The following MSANTD1 variants were observed in gnomAD, a reference collection of about 807,000 sequenced individuals.
MSANTD1 encodes the protein myb/SANT-like DNA-binding domain-containing protein 1.
A neutral mutation model predicts 24.2 loss-of-function variants in MSANTD1; 7 were observed. The ratio of observed to expected loss-of-function variants is 0.29; its 90% CI spans 0.16 to 0.54. The LOEUF (loss-of-function observed/expected upper bound fraction) is 0.54. MSANTD1 is among the 20% of genes least tolerant of loss of function. The pLI, the probability that MSANTD1 is intolerant of heterozygous loss-of-function variation, is 0.94. For missense variants in MSANTD1, 384 were observed against 408.2 expected, an observed-to-expected ratio of 0.94 and a Z score of 0.51; for synonymous variants, 177 against 181.1, an observed-to-expected ratio of 0.98 and a Z score of 0.18.
At chr4:3,252,506 C>A (rs1335528913) in intron 1 of MSANTD1, among the ~76,000 whole-genome samples, 1 of 152,246 alleles carries the variant, frequency 6.6e-6, no homozygotes, top group East Asian at 1.9e-4. Context: ...ACTGTAGGTT[C>A]AACCAAGAAT....
Position 3,253,075 on chromosome 4 carries a change from T to C in MSANTD1, c.321-132T>C, listed in dbSNP as rs1055104519. ...GACCCTGGAGCCTGGCCGATTTTGC[T>C]GGGGAGGCCCTTGCCAGCCGAGAGC... On this transcript the variant is annotated intron_variant, in intron 1 of 2. Transcript: ENST00000438480. 9 of 895,280 alleles carry C rather than the reference T, an allele frequency of 1.0e-5. No homozygotes were observed. In the Admixed American group the frequency reaches 2.1e-4, roughly 21 times the overall value. The allele number at this position is 895,280 out of a possible 1,614,324, so 55.5% of individuals were successfully genotyped here. A position where few individuals can be genotyped will look rare whatever the true frequency, so the allele number is the denominator to read the frequency against.
chr4:3,249,703 C>T (rs1165581940), intron 1 of MSANTD1, among the ~76,000 whole-genome samples, 161 bp downstream of exon 1: 8 of 152,184 alleles, frequency 5.3e-5, no homozygotes, highest in Admixed American at 2.6e-4. Flanking sequence ...CGGGGTGAGA[C>T]GGGGCCCACG....
chr4:3,255,927 A>G lies in MSANTD1; in HGVS notation c.799A>G (p.Ser267Gly). 6.5e-7 allele frequency: 1 copy of G among 1,542,964 alleles called. No homozygotes were observed. The highest frequency in any genetic ancestry group is 8.7e-7 in the Non-Finnish European group (1 of 1,144,576). ...QSLQLQERMMSLLERIITKSS... is the reference protein window; with the variant it reads ...QSLQLQERMMGLLERIITKSS... Reference sequence around the variant, plus strand: ...CCTGCAGCTGCAGGAGCGCATGATGAGTCTGCTGGAGAGGATCATCACCAA... The same window carrying G: ...CCTGCAGCTGCAGGAGCGCATGATGGGTCTGCTGGAGAGGATCATCACCAA... Residue 267 changes from serine (S) to glycine (G), a missense_variant, in exon 3 of 3, where the codon AGT becomes GGT. By Grantham distance (56) the Ser-to-Gly change is moderately conservative. Coordinates refer to ENST00000438480, the MANE Select transcript of MSANTD1 (RefSeq NM_001042690.2).
chr4:3,251,685 TTC>T (rs1491014504), intron 1 of MSANTD1, among the ~76,000 whole-genome samples: 2 of 147,968 alleles, frequency 1.4e-5, no homozygotes, highest in African/African-American at 5.3e-5. Flanking sequence ...TCTTTTTTTT[TTC>T]TTTTTCTTTT....
rs566901495 is a variant in MSANTD1 at position 3,255,413 on chromosome 4, G to T, written c.597-312G>T. Among the ~76,000 whole-genome samples the T allele has an allele frequency of 5.9e-5, 9 of 152,126 alleles. No individual in the cohort carries two copies. The East Asian group carries it at 1.7e-3, about 29-fold the overall frequency. ...TAATTTTTGTATTTTTAGTAGAGATGGGGTTTCACCATGTTGGCCAGGCTG... is the reference window on the plus strand; with the variant it reads ...TAATTTTTGTATTTTTAGTAGAGATTGGGTTTCACCATGTTGGCCAGGCTG... On this transcript the variant is annotated intron_variant, in intron 2 of 2. Coordinates refer to ENST00000438480, the MANE Select transcript of MSANTD1 (RefSeq NM_001042690.2).
In MSANTD1 at chr4:3,255,739, C is replaced by G; in HGVS notation, c.611C>G (p.Pro204Arg). Reference protein sequence around the residue: ...LSLKFRSEERPVKKRKVQSCH... With the variant: ...LSLKFRSEERRVKKRKVQSCH... Reference sequence around the variant, plus strand: ...TGTCCTTCCAGGTCGGAGGAGCGGCCGGTGAAGAAGCGCAAGGTGCAGAGC... The same window carrying G: ...TGTCCTTCCAGGTCGGAGGAGCGGCGGGTGAAGAAGCGCAAGGTGCAGAGC... Residue 204 changes from proline to arginine, a missense_variant, in exon 3 of 3, where the codon CCG becomes CGG. Pro to Arg is a moderately radical substitution (Grantham distance 103, BLOSUM62 -2). Coordinates refer to ENST00000438480, the MANE Select transcript of MSANTD1 (RefSeq NM_001042690.2). The G allele has an allele frequency of 6.5e-7, 1 of 1,541,970 alleles. No homozygotes were observed. The highest frequency in any genetic ancestry group is 8.7e-7 in the Non-Finnish European group (1 of 1,143,810).
upstream of MSANTD1, chr4:3,244,569 C>T (rs181662241): frequency 6.6e-6 from 1 of 152,444 alleles, no homozygotes; most frequent in Admixed American, 6.5e-5. Flanking sequence ...GAACCAGCGC[C>T]TACTCCAAGA....
At chr4:3,252,324 G>A (rs2110321146) in intron 1 of MSANTD1, among the ~76,000 whole-genome samples, 1 of 152,376 alleles carries the variant, frequency 6.6e-6, no homozygotes, top group East Asian at 1.9e-4. Flanking sequence ...AGGCCCAGGG[G>A]AGGCCTGGGG....
intron 2 of MSANTD1, among the ~76,000 whole-genome samples, chr4:3,254,977 C>T (rs1190568088): frequency 6.6e-6 from 1 of 152,210 alleles, no homozygotes; most frequent in African/African-American, 2.4e-5. Flanking sequence ...CTGCACTACC[C>T]AGCACCCCCC....
chr4:3,249,240 G>T lies in MSANTD1; in HGVS notation c.18G>T (p.Gly6=). MVRGA[G]PGPSLSALSH... ...TCCCGCCCATGGTGCGTGGGGCCGGGCCGGGGCCCTCGCTGAGCGCGCTCT... is the reference window on the plus strand; with the variant it reads ...TCCCGCCCATGGTGCGTGGGGCCGGTCCGGGGCCCTCGCTGAGCGCGCTCT... The change falls in exon 1 of 3, where the codon GGG becomes GGT. Residue 6 remains glycine (G), a synonymous_variant. Transcript: ENST00000438480. 6.9e-7 allele frequency: 1 copy of T among 1,442,612 alleles called. No homozygotes were observed. 89.4% of individuals were successfully genotyped at this position (1,442,612 alleles called of 1,614,324 possible).
At position 3,249,321 on chromosome 4, in the gene MSANTD1, G is replaced by T. The variant is rs1459534902; in HGVS notation, c.99G>T (p.Val33=). ...MAAAEGPGYL[V]SPQAEKHRRA... ...CGGCCGAGGGGCCCGGCTACCTCGT[G>T]TCTCCCCAGGCGGAGAAGCACCGGC... The change falls in exon 1 of 3, where the codon GTG becomes GTT. Residue 33 remains valine, a synonymous_variant. Transcript: ENST00000438480. 7.1e-6 allele frequency: 11 copies of T among 1,546,232 alleles called. No homozygotes were observed. The highest frequency in any genetic ancestry group is 1.2e-5 in the South Asian group (1 of 84,138).
chr4:3,255,550 G>GTGGGT (rs1236095716), intron 2 of MSANTD1, among the ~76,000 whole-genome samples, 175 bp from the exon 3 acceptor site: 1 of 152,216 alleles, frequency 6.6e-6, no homozygotes, highest in Non-Finnish European at 1.5e-5. Context: ...GTCAAAGGCG[G>GTGGGT]TGGGTTCTGG....
upstream of MSANTD1, among the ~76,000 whole-genome samples, chr4:3,245,738 C>CAAA (rs1002912282): frequency 2.0e-4 from 31 of 152,366 alleles, no homozygotes; most frequent in African/African-American, 7.0e-4. Context: ...GCCTGGCTGC[C>CAAA]TTTTGGGCAA....
chr4:3,251,100 GT>G (rs1722214054), intron 1 of MSANTD1, among the ~76,000 whole-genome samples: 1 of 152,232 alleles, frequency 6.6e-6, no homozygotes, highest in Non-Finnish European at 1.5e-5. Flanking sequence ...GAGGGCTGAG[GT>G]GTGAGCCTGG....
rs756719655 is a variant in MSANTD1 at position 3,253,454 on chromosome 4, T to C, written c.568T>C (p.Ser190Pro). The C allele has an allele frequency of 1.3e-6, 2 of 1,572,740 alleles. No individual in the cohort carries two copies. Among genetic ancestry groups the C allele is most frequent in the Admixed American group, 3.5e-5 (2 of 56,404 alleles). ...GRFEDDRSDS[S>P]SSLLSLKFRS... Reference sequence around the variant, plus strand: ...CTTCGAGGATGATCGCTCCGACAGCTCCTCCAGCTTACTGTCCCTTAAGTT... The same window carrying C: ...CTTCGAGGATGATCGCTCCGACAGCCCCTCCAGCTTACTGTCCCTTAAGTT... Residue 190 changes from serine to proline, a missense_variant, in exon 2 of 3, where the codon TCC (serine) becomes CCC (proline). Ser to Pro is a moderately conservative substitution (Grantham distance 74, BLOSUM62 -1). Coordinates refer to ENST00000438480, the MANE Select transcript of MSANTD1 (RefSeq NM_001042690.2).
chr4:3,248,448 C>T (rs989577128), upstream of MSANTD1: 4 of 152,976 alleles, frequency 2.6e-5, no homozygotes, highest in Non-Finnish European at 5.8e-5. Context: ...CTGATTCCCT[C>T]CTGTGTCTCA....
intron 1 of MSANTD1, among the ~76,000 whole-genome samples, chr4:3,251,023 C>T (rs769981043): frequency 7.2e-5 from 11 of 152,262 alleles, no homozygotes; most frequent in African/African-American, 9.6e-5. Flanking sequence ...CCTAGGCAGG[C>T]CCCAAAGCCG....
In MSANTD1 at chr4:3,253,385, A is replaced by T; in HGVS notation, c.499A>T (p.Thr167Ser). ...EASLSPPAKS[T>S]PLYFPYNQCS... ...GTCCCTGTCGCCGCCCGCTAAGTCC[A>T]CCCCTCTGTACTTCCCGTATAACCA... is the stretch of plus-strand genomic sequence containing the variant. Residue 167 changes from threonine to serine, a missense_variant, in exon 2 of 3, where the codon ACC becomes TCC. Thr to Ser is a moderately conservative substitution (Grantham distance 58). Transcript: ENST00000438480. 6.2e-7 allele frequency: 1 copy of T among 1,609,062 alleles called. No individual in the cohort carries two copies. The highest frequency in any genetic ancestry group is 1.3e-5 in the African/African-American group (1 of 74,930).
intron 1 of MSANTD1, among the ~76,000 whole-genome samples, chr4:3,252,242 C>T (rs1344209645): frequency 6.6e-6 from 1 of 152,256 alleles, no homozygotes; most frequent in Non-Finnish European, 1.5e-5. Context: ...GGCTTCTTCC[C>T]TGGCCTGGCC....
Sources: gnomAD v4.1 joint callset for allele counts (sites outside exome capture counted in the v4.1 genomes callset) on GRCh38, gnomAD v4.1.1 for gene constraint, MANE v1.5 for transcripts, NCBI Gene and HGNC (gene_info 2026-07-23, HGNC 2026-07-21) for gene names.